The following PDE4B variants were observed in gnomAD, a reference collection of about 807,000 sequenced individuals.
The protein encoded by PDE4B is phosphodiesterase 4B.
PDE4B carries 20 observed loss-of-function variants against 82.2 expected under a neutral mutation model. The ratio of observed to expected loss-of-function variants is 0.24; its 90% confidence interval spans 0.17 to 0.35. PDE4B has a LOEUF of 0.35. Among genes scored for constraint, PDE4B ranks in the 10% least tolerant of loss-of-function variants. The probability of loss-of-function intolerance (pLI) is 1.00; values close to 1 mark genes in which losing one functional copy is unlikely to be tolerated. For synonymous variants in PDE4B, 320 were observed against 318.9 expected, an observed-to-expected ratio of 1.00 and a Z score of -0.04; for missense variants, 655 against 907.2, an observed-to-expected ratio of 0.72 and a Z score of 3.57.
intron 3 of PDE4B, among the ~76,000 whole-genome samples, chr1:66,150,416 T>C (rs1024813883): frequency 2.0e-5 from 3 of 152,232 alleles, no homozygotes; most frequent in Non-Finnish European, 4.4e-5. Flanking sequence ...AGTCATTTAT[T>C]AGCACTAATA....
intron 3 of PDE4B, among the ~76,000 whole-genome samples, chr1:66,145,205 A>G (rs1048907726): frequency 1.3e-5 from 2 of 152,194 alleles, no homozygotes; most frequent in Non-Finnish European, 2.9e-5. Flanking sequence ...GTAGGGTGGC[A>G]TGGTGCTTGC....
At chr1:66,157,763 A>G (rs553218750) in intron 3 of PDE4B, among the ~76,000 whole-genome samples, 7 of 152,334 alleles carry the variant, frequency 4.6e-5, no homozygotes, top group African/African-American at 1.7e-4. Flanking sequence ...CATCTAGAAC[A>G]GTGCTATAAT....
intron 9 of PDE4B, among the ~76,000 whole-genome samples, chr1:66,356,816 G>C (rs1662285838): frequency 6.6e-6 from 1 of 152,188 alleles, no homozygotes; most frequent in African/African-American, 2.4e-5. Flanking sequence ...ACAGTTTCTA[G>C]TATGTGAGTG....
chr1:65,795,905 C>A (rs1645626797), intron 1 of PDE4B, among the ~76,000 whole-genome samples: 1 of 152,232 alleles, frequency 6.6e-6, no homozygotes, highest in South Asian at 2.1e-4. Flanking sequence ...CCCATACATT[C>A]ATTTTGCCAG....
chr1:66,212,642 C>T (rs1395900888), intron 3 of PDE4B, among the ~76,000 whole-genome samples: 5 of 152,158 alleles, frequency 3.3e-5, no homozygotes, highest in Non-Finnish European at 5.9e-5. Context: ...GTTAACTCCT[C>T]GATGTCATTT....
At chr1:66,039,423 T>C (rs1419363430) in intron 3 of PDE4B, among the ~76,000 whole-genome samples, 1 of 152,104 alleles carries the variant, frequency 6.6e-6, no homozygotes, top group Non-Finnish European at 1.5e-5. Flanking sequence ...GTAACTGGTT[T>C]ATCTAACAGT....
rs183748095 is a variant in PDE4B at position 65,890,960 on chromosome 1, C to T, written c.-70-22285C>T. ...GATTTATGTTCCAACCTTTGTGATT[C>T]GCTCTGTGACTTTGAAGAACTCACC... is the stretch of plus-strand genomic sequence containing the variant. On this transcript the variant is annotated intron_variant, in intron 1 of 16. Coordinates refer to ENST00000341517, the MANE Select transcript of PDE4B (RefSeq NM_002600.4). Among the ~76,000 whole-genome samples, 80 of 152,072 alleles carry T rather than the reference C, an allele frequency of 5.3e-4. 1 individual carries two copies. The East Asian group carries it at 0.015, about 28-fold the overall frequency.
chr1:66,215,801 A>G (rs958487525), intron 3 of PDE4B, among the ~76,000 whole-genome samples: 1 of 152,150 alleles, frequency 6.6e-6, no homozygotes, highest in African/African-American at 2.4e-5. Context: ...TTCTGGAGTT[A>G]GGCCTTGAAA....
At chr1:66,020,508 A>G (rs1275820655) in intron 3 of PDE4B, among the ~76,000 whole-genome samples, 1 of 146,418 alleles carries the variant, frequency 6.8e-6, no homozygotes, top group Non-Finnish European at 1.5e-5. Flanking sequence ...ATGTTCCCCA[A>G]CCTGTGTCCA....
intron 7 of PDE4B, among the ~76,000 whole-genome samples, chr1:66,304,540 TCACATTTTTCCATGCG>T (rs1658133463): frequency 1.3e-5 from 2 of 152,126 alleles, no homozygotes; most frequent in African/African-American, 4.8e-5. Flanking sequence ...TGTGCTCAAG[TCACATTTTTCCATGCG>T]GATAATGCCA....
At chr1:66,069,823 C>T (rs992916296) in intron 3 of PDE4B, among the ~76,000 whole-genome samples, 2 of 151,990 alleles carry the variant, frequency 1.3e-5, no homozygotes, top group Non-Finnish European at 2.9e-5. Flanking sequence ...TTGTATCTCT[C>T]ACTTAAACCA....
At chr1:66,100,220 T>C (rs1244668832) in intron 3 of PDE4B, among the ~76,000 whole-genome samples, 1 of 151,802 alleles carries the variant, frequency 6.6e-6, no homozygotes, top group East Asian at 1.9e-4. Context: ...CGCTGACTAG[T>C]TTTTGTATTT....
At chr1:66,175,986 G>C (rs1485456872) in intron 3 of PDE4B, among the ~76,000 whole-genome samples, 4 of 152,150 alleles carry the variant, frequency 2.6e-5, no homozygotes, top group African/African-American at 9.7e-5. Flanking sequence ...ATTGATAAAG[G>C]ACACATTCTT....
chr1:65,989,965 G>A, intron 3 of PDE4B, among the ~76,000 whole-genome samples: 1 of 142,406 alleles, frequency 7.0e-6, no homozygotes. Context: ...TTTTTTTTCA[G>A]AAATAAGTAA....
chr1:65,915,404 A>G (rs1557429723), intron 2 of PDE4B, among the ~76,000 whole-genome samples: 1 of 152,162 alleles, frequency 6.6e-6, no homozygotes, highest in African/African-American at 2.4e-5. Flanking sequence ...CTGATTTCAT[A>G]AGACTTAAAA....
At chr1:66,020,047 C>A (rs771898312) in intron 3 of PDE4B, among the ~76,000 whole-genome samples, 1 of 152,146 alleles carries the variant, frequency 6.6e-6, no homozygotes, top group Non-Finnish European at 1.5e-5. Context: ...TAGTTACTAT[C>A]GACAAGCATA....
At chr1:66,013,092 G>A (rs1255712719) in intron 3 of PDE4B, among the ~76,000 whole-genome samples, 3 of 152,116 alleles carry the variant, frequency 2.0e-5, no homozygotes, top group South Asian at 2.1e-4. Context: ...ATGACTGAAT[G>A]TGTTCAGTGT....
intron 7 of PDE4B, among the ~76,000 whole-genome samples, chr1:66,284,983 G>A (rs1296366088): frequency 1.3e-5 from 2 of 152,156 alleles, no homozygotes; most frequent in Non-Finnish European, 2.9e-5. Context: ...ACATAACAGA[G>A]ATTGATGAAT....
chr1:65,898,905 G>A (rs1646940737), intron 1 of PDE4B, among the ~76,000 whole-genome samples: 1 of 152,030 alleles, frequency 6.6e-6, no homozygotes, highest in Admixed American at 6.6e-5. Context: ...CATTGGCTTA[G>A]GCAAGGATTT....
Sources: gnomAD v4.1 joint callset for allele counts (sites outside exome capture counted in the v4.1 genomes callset) on GRCh38, gnomAD v4.1.1 for gene constraint, MANE v1.5 for transcripts, NCBI Gene and HGNC (gene_info 2026-07-23, HGNC 2026-07-21) for gene names.